Variants in HS1BP3 observed in about 807,000 individuals in gnomAD.
HS1BP3 encodes HCLS1 binding protein 3, also known as HCLS1-binding protein 3.
A neutral mutation model predicts 33.5 loss-of-function variants in HS1BP3; 32 were observed. That is an observed-to-expected ratio of 0.95 (90% CI 0.72 to 1.28). The LOEUF is 1.28. Among genes scored for constraint, HS1BP3 ranks in the 50% most tolerant of loss-of-function variants. The pLI is 0.00. For missense variants in HS1BP3, 486 were observed against 502.3 expected (o/e 0.97, Z 0.31); for synonymous variants, 187 against 209.2 (o/e 0.89, Z 0.92).
intron 4 of HS1BP3, among the ~76,000 whole-genome samples, chr2:20,627,970 C>A (rs1421104961): frequency 6.6e-6 from 1 of 152,116 alleles, no homozygotes. Context: ...AGGGTGCCAG[C>A]ACATCTCCAT....
chr2:20,636,905 A>G (rs537696399), intron 4 of HS1BP3: 4 of 152,298 alleles, frequency 2.6e-5, no homozygotes, highest in African/African-American at 4.8e-5. Flanking sequence ...ACCTTGTCAC[A>G]CGGGTCCTTA....
intron 4 of HS1BP3, among the ~76,000 whole-genome samples, chr2:20,631,494 G>A (rs1694965437): frequency 8.9e-6 from 1 of 112,760 alleles, no homozygotes; most frequent in African/African-American, 3.5e-5. Context: ...TCCAGCCTAG[G>A]TAAAAGAGTA....
rs10174106 is a variant in HS1BP3 at position 20,606,286 on chromosome 2, G to A, written c.179-8021C>T. On this transcript the variant is annotated intron_variant, in intron 2 of 3. Coordinates refer to the HS1BP3 transcript ENST00000415264. Reference sequence around the variant, plus strand: ...TACAGTTGGTTGGACCTGTTCATGCGTCTTCACCAGCAGCTGGTGCATCTC... The same window carrying A: ...TACAGTTGGTTGGACCTGTTCATGCATCTTCACCAGCAGCTGGTGCATCTC... 7.3e-3 allele frequency: 3,164 copies of A among 431,946 alleles called. 93 individuals carry two copies. Among genetic ancestry groups the A allele is most frequent in the African/African-American group, 0.06 (2,944 of 48,896 alleles). The allele number at this position is 431,946 out of a possible 1,614,324, so 26.8% of individuals were successfully genotyped here.
At position 20,618,606 on chromosome 2, in the gene HS1BP3, T is replaced by A. The variant is rs2149289076; in HGVS notation, c.*381A>T. On this transcript the variant is annotated 3_prime_UTR_variant, in exon 7 of 7. Coordinates refer to ENST00000304031, the MANE Select transcript of HS1BP3 (RefSeq NM_022460.4). Reference sequence around the variant, plus strand: ...CCCCAGTTTGGGTCTGTGCTGGGGCTGGCAGAACCCGTGGGCATGAAGCTT... The same window carrying A: ...CCCCAGTTTGGGTCTGTGCTGGGGCAGGCAGAACCCGTGGGCATGAAGCTT... The A allele has an allele frequency of 2.7e-6, 2 of 740,100 alleles. No individual in the cohort carries two copies. Among genetic ancestry groups the A allele is most frequent in the East Asian group, 8.8e-5 (1 of 11,384 alleles). The allele number at this position is 740,100 out of a possible 1,614,324, so 45.8% of individuals were successfully genotyped here.
chr2:20,588,508 C>T (rs183388144), downstream of HS1BP3, among the ~76,000 whole-genome samples: 52 of 152,204 alleles, frequency 3.4e-4, no homozygotes, highest in South Asian at 1.5e-3. Flanking sequence ...TTAGTAGAGA[C>T]GGGGTTTCAC....
chr2:20,555,364 G>C, the HS1BP3 span, among the ~76,000 whole-genome samples: 1 of 152,328 alleles, frequency 6.6e-6, no homozygotes, highest in South Asian at 2.1e-4. Context: ...GGAAACTGTG[G>C]GGTCCTTGTT....
downstream of HS1BP3, among the ~76,000 whole-genome samples, chr2:20,590,556 AC>A (rs1471107406): frequency 6.6e-6 from 1 of 152,182 alleles, no homozygotes; most frequent in Non-Finnish European, 1.5e-5. Flanking sequence ...TCATTAGGTC[AC>A]GTCCCCGTAC....
intron 2 of HS1BP3, among the ~76,000 whole-genome samples, chr2:20,642,629 G>C (rs10176721): frequency 1.3e-5 from 2 of 152,200 alleles, no homozygotes; most frequent in Non-Finnish European, 2.9e-5. Flanking sequence ...GCATATCCAG[G>C]CTCGGGGAAC....
intron 4 of HS1BP3, among the ~76,000 whole-genome samples, chr2:20,625,273 C>T (rs1572344343): frequency 6.6e-6 from 1 of 152,360 alleles, no homozygotes; most frequent in African/African-American, 2.4e-5. Context: ...GAGGAGCAGG[C>T]GGCTGCCAGG....
chr2:20,624,731 C>T lies in HS1BP3; in HGVS notation c.784+1G>A, dbSNP rs372865396. ...GGAGCAGACCATGGGGCTCTACTTA[C>T]GGTCCACGGATGACACGTCCTCCGA... On this transcript the variant is annotated splice_donor_variant, in intron 5 of 6. Transcript: ENST00000304031. LOFTEE classifies it high-confidence loss of function. The T allele has an allele frequency of 4.8e-5, 77 of 1,589,464 alleles. No homozygotes were observed. The highest frequency in any genetic ancestry group is 3.4e-4 in the Middle Eastern group (2 of 5,912).
chr2:20,634,344 G>T (rs1270608198), intron 4 of HS1BP3, among the ~76,000 whole-genome samples: 2 of 152,222 alleles, frequency 1.3e-5, no homozygotes, highest in Non-Finnish European at 2.9e-5. Flanking sequence ...GATTCTGGGG[G>T]CCCTACCCAG....
At chr2:20,568,920 G>A (rs1471121503) in intron 5 of HS1BP3, among the ~76,000 whole-genome samples, 1 of 152,200 alleles carries the variant, frequency 6.6e-6, no homozygotes. Flanking sequence ...TGCCCTCGAG[G>A]CCGTCTTGGT....
chr2:20,608,806 A>G (rs1694255613), intron 2 of HS1BP3, among the ~76,000 whole-genome samples: 1 of 151,750 alleles, frequency 6.6e-6, no homozygotes, highest in Admixed American at 6.6e-5. Context: ...TCTGCCCTCC[A>G]CTTTCTGATT....
intron 3 of HS1BP3, among the ~76,000 whole-genome samples, chr2:20,594,384 A>G (rs1352537340): frequency 1.3e-5 from 2 of 152,230 alleles, no homozygotes; most frequent in African/African-American, 4.8e-5. Context: ...TGATGGCATC[A>G]CAAATCCTTT....
intron 2 of HS1BP3, among the ~76,000 whole-genome samples, chr2:20,600,491 C>T (rs905082435): frequency 6.6e-6 from 1 of 152,198 alleles, no homozygotes; most frequent in African/African-American, 2.4e-5. Flanking sequence ...CAAAGTCACC[C>T]TGGGGCCCAG....
intron 5 of HS1BP3, among the ~76,000 whole-genome samples, chr2:20,580,000 T>C (rs1693493967): frequency 2.0e-5 from 3 of 152,260 alleles, no homozygotes; most frequent in African/African-American, 7.2e-5. Context: ...TGGATCTGTT[T>C]CTATCCTAAT....
chr2:20,600,189 C>T (rs1694040227), intron 2 of HS1BP3, among the ~76,000 whole-genome samples: 2 of 152,170 alleles, frequency 1.3e-5, no homozygotes, highest in Admixed American at 6.5e-5. Flanking sequence ...CTGTGATCTA[C>T]GGGTGTCATT....
At chr2:20,568,554 C>T (rs901913883) in intron 5 of HS1BP3, among the ~76,000 whole-genome samples, 3 of 152,126 alleles carry the variant, frequency 2.0e-5, no homozygotes, top group African/African-American at 7.2e-5. Context: ...TGTCTGGGGA[C>T]TAGACAGGAG....
intron 5 of HS1BP3, among the ~76,000 whole-genome samples, chr2:20,572,731 G>A (rs1693304921): frequency 6.6e-6 from 1 of 152,286 alleles, no homozygotes; most frequent in African/African-American, 2.4e-5. Context: ...TCTCTTCAGG[G>A]TACTGGAGCC....
Sources: gnomAD v4.1 joint callset for allele counts (sites outside exome capture counted in the v4.1 genomes callset) on GRCh38, gnomAD v4.1.1 for gene constraint, MANE v1.5 for transcripts, NCBI Gene and HGNC (gene_info 2026-07-23, HGNC 2026-07-21) for gene names.